The following LRP6 variants were observed in gnomAD, a reference collection of about 807,000 sequenced individuals.
LRP6 encodes the protein LDL receptor related protein 6.
In LRP6, 43 loss-of-function variants were observed where a neutral mutation model predicts 184.1. The observed-to-expected ratio is 0.23, with a 90% CI of 0.18 to 0.30. The LOEUF (loss-of-function observed/expected upper bound fraction) is 0.30. Ranked by LOEUF, LRP6 falls within the 10% of genes least tolerant of loss-of-function variation. The pLI, the probability that LRP6 is intolerant of heterozygous loss-of-function variation, is 1.00. For synonymous variants in LRP6, 719 were observed against 684.9 expected (o/e 1.05, Z -0.78); for missense variants, 1,571 against 2,005.3 (o/e 0.78, Z 4.14).
At chr12:12,263,152 C>T in intron 1 of LRP6, among the ~76,000 whole-genome samples, 1 of 150,904 alleles carries the variant, frequency 6.6e-6, no homozygotes, top group South Asian at 2.1e-4. Context: ...GTAATTCCAG[C>T]TACTCAGGAG....
intron 10 of LRP6, 100 bp downstream of exon 10, chr12:12,162,093 T>A (rs1428584607): frequency 1.1e-6 from 1 of 917,204 alleles, no homozygotes; most frequent in East Asian, 2.5e-5. Flanking sequence ...AGATTCCTAA[T>A]ACGTATTATT....
Position 12,119,064 on chromosome 12 carries a change from C to T in LRP6, c.*2062G>A, listed in dbSNP as rs576393472. The T allele has an allele frequency of 1.3e-5, 2 of 152,330 alleles. No individual in the cohort carries two copies. Among genetic ancestry groups the T allele is most frequent in the East Asian group, 3.9e-4 (2 of 5,190 alleles). The allele number at this position is 152,330 out of a possible 1,614,324, so 9.4% of individuals were successfully genotyped here. On this transcript the variant is annotated 3_prime_UTR_variant, in exon 23 of 23. Transcript: ENST00000261349. The stretch of plus-strand genomic sequence containing the variant: ...CAAGTTCAATGTCCATTTTGTCTGA[C>T]ACTGTGGGCACTTAGTTCCAGCAAT...
chr12:12,146,213 T>C (rs1166215699), intron 15 of LRP6, among the ~76,000 whole-genome samples: 1 of 152,178 alleles, frequency 6.6e-6, no homozygotes, highest in Non-Finnish European at 1.5e-5. Flanking sequence ...AAGACAGCTA[T>C]CTACAAAGGA....
At chr12:12,225,570 G>A (rs1864600974) in intron 2 of LRP6, among the ~76,000 whole-genome samples, 1 of 151,948 alleles carries the variant, frequency 6.6e-6, no homozygotes, top group Admixed American at 6.6e-5. Flanking sequence ...AGCTCTACCA[G>A]GTTCTCACAG....
intron 7 of LRP6, among the ~76,000 whole-genome samples, chr12:12,176,988 C>T (rs1367450031): frequency 2.0e-5 from 3 of 151,728 alleles, no homozygotes; most frequent in Non-Finnish European, 4.4e-5. Flanking sequence ...GCTAGGATTA[C>T]AGGTGCCCGC....
At chr12:12,179,139 T>G (rs1387815578) in intron 7 of LRP6, among the ~76,000 whole-genome samples, 1 of 152,182 alleles carries the variant, frequency 6.6e-6, no homozygotes, top group Non-Finnish European at 1.5e-5. Flanking sequence ...AGGCCACTAA[T>G]AAAACACTGT....
At chr12:12,166,305 C>T (rs1862876422) in intron 7 of LRP6, among the ~76,000 whole-genome samples, 1 of 152,154 alleles carries the variant, frequency 6.6e-6, no homozygotes. Flanking sequence ...GTTTCTACTG[C>T]AGCATTTCCA....
chr12:12,151,121 G>T, intron 12 of LRP6, 83 bp from the exon 13 acceptor site: 1 of 1,212,044 alleles, frequency 8.3e-7, no homozygotes, highest in Non-Finnish European at 1.2e-6. Context: ...CCTGTTGTAT[G>T]TATTTCATAC....
chr12:12,266,024 G>A (rs915131903), intron 1 of LRP6, among the ~76,000 whole-genome samples: 4 of 152,130 alleles, frequency 2.6e-5, no homozygotes, highest in African/African-American at 9.7e-5. Context: ...ATAGGGGCAA[G>A]CCGTGAATAC....
chr12:12,240,983 G>GA (rs965903194), intron 2 of LRP6, among the ~76,000 whole-genome samples: 4 of 151,392 alleles, frequency 2.6e-5, no homozygotes, highest in African/African-American at 7.3e-5. Flanking sequence ...TTATCATAAG[G>GA]AAAAAAAAAT....
rs908070214 is a variant in LRP6, at chr12:12,171,527, A to C, written c.1546-6232T>G. On this transcript the variant is annotated intron_variant, in intron 7 of 22. Transcript: ENST00000261349. The stretch of plus-strand genomic sequence containing the variant: ...ACAGAGTGAAACTCAGTCTCAAAAA[A>C]AAATAAAATAAATAAATAAATAAAT... Among the ~76,000 whole-genome samples the C allele has an allele frequency of 4.0e-5, 4 of 99,124 alleles. No individual in the cohort carries two copies. The South Asian group carries it at 1.6e-3, about 40-fold the overall frequency. 65.0% of individuals were successfully genotyped at this position (99,124 alleles called of 152,430 possible).
intron 7 of LRP6, among the ~76,000 whole-genome samples, chr12:12,178,031 T>C (rs73055387): frequency 0.029 from 4,402 of 152,162 alleles, 88 homozygotes; most frequent in Non-Finnish European, 0.04. Context: ...TATGTATATA[T>C]ATATATATGC....
chr12:12,188,563 G>A (rs1863536713), intron 3 of LRP6, among the ~76,000 whole-genome samples: 1 of 152,176 alleles, frequency 6.6e-6, no homozygotes, highest in African/African-American at 2.4e-5. Context: ...TTACGTGTAA[G>A]CAGGATTACC....
chr12:12,145,746 C>A (rs543657393), intron 15 of LRP6, among the ~76,000 whole-genome samples: 1 of 151,534 alleles, frequency 6.6e-6, no homozygotes, highest in East Asian at 1.9e-4. Context: ...ATTCTCCTGC[C>A]TCAGCCTGCC....
intron 3 of LRP6, among the ~76,000 whole-genome samples, chr12:12,193,178 TAAA>T (rs1863661303): frequency 6.6e-6 from 1 of 151,878 alleles, no homozygotes; most frequent in African/African-American, 2.4e-5. Context: ...GAAATTACAA[TAAA>T]AGTTTTTAAA....
intron 3 of LRP6, among the ~76,000 whole-genome samples, chr12:12,196,604 G>A (rs1365675387): frequency 6.7e-6 from 1 of 148,706 alleles, no homozygotes; most frequent in Admixed American, 6.7e-5. Context: ...TTTTTTTTTG[G>A]TAGAGCGTTC....
At chr12:12,263,250 A>G (rs1865666118) in intron 1 of LRP6, among the ~76,000 whole-genome samples, 1 of 138,322 alleles carries the variant, frequency 7.2e-6, no homozygotes, top group South Asian at 2.4e-4. Flanking sequence ...GAGCAACAAG[A>G]GCGAAACTCT....
At chr12:12,255,438 T>C (rs1865437279) in intron 1 of LRP6, among the ~76,000 whole-genome samples, 1 of 151,552 alleles carries the variant, frequency 6.6e-6, no homozygotes, top group African/African-American at 2.4e-5. Flanking sequence ...AAAAAAAGCC[T>C]TTTTCGGTTT....
At chr12:12,131,693 G>A in intron 18 of LRP6, 128 bp downstream of exon 18, 1 of 788,820 alleles carries the variant, frequency 1.3e-6, no homozygotes, top group Admixed American at 1.7e-5. Flanking sequence ...ATGGCACTAT[G>A]ATCAGAAGTG....
Sources: gnomAD v4.1 joint callset for allele counts (sites outside exome capture counted in the v4.1 genomes callset) on GRCh38, gnomAD v4.1.1 for gene constraint, MANE v1.5 for transcripts, NCBI Gene and HGNC (gene_info 2026-07-23, HGNC 2026-07-21) for gene names.